The following CD44 variants were observed in gnomAD, a reference collection of about 807,000 sequenced individuals.
The protein encoded by CD44 is CD44 antigen.
CD44 carries 49 observed loss-of-function variants against 88.8 expected under a neutral mutation model. The ratio of observed to expected loss-of-function variants is 0.55; its 90% CI spans 0.44 to 0.70. The LOEUF (loss-of-function observed/expected upper bound fraction) is 0.70. Among genes scored for constraint, CD44 ranks in the 30% least tolerant of loss-of-function variants. The probability of loss-of-function intolerance (pLI) is 0.00; values close to 1 mark genes in which losing one functional copy is unlikely to be tolerated. For missense variants in CD44, 883 were observed against 913.8 expected (o/e 0.97, Z 0.43); for synonymous variants, 325 against 312.3 (o/e 1.04, Z -0.43).
chr11:35,195,393 T>C (rs1168313431), intron 5 of CD44, among the ~76,000 whole-genome samples: 1 of 151,902 alleles, frequency 6.6e-6, no homozygotes, highest in Non-Finnish European at 1.5e-5. Context: ...GGTTGCCATA[T>C]CACAATGTCT....
chr11:35,222,056 G>A (rs2134368703), intron 17 of CD44, among the ~76,000 whole-genome samples: 1 of 152,300 alleles, frequency 6.6e-6, no homozygotes, highest in Admixed American at 6.5e-5. Flanking sequence ...ATGTTTTTTA[G>A]GGTTAAACCT....
intron 1 of CD44, among the ~76,000 whole-genome samples, chr11:35,146,299 G>C (rs1252367874): frequency 6.6e-6 from 1 of 152,182 alleles, no homozygotes; most frequent in African/African-American, 2.4e-5. Context: ...CAAAACTCCG[G>C]GGTTGAGGGA....
chr11:35,216,078 C>T (rs1425411399), intron 15 of CD44, among the ~76,000 whole-genome samples: 1 of 151,404 alleles, frequency 6.6e-6, no homozygotes, highest in Non-Finnish European at 1.5e-5. Flanking sequence ...GTGATGGAGC[C>T]ACCTTTCAAG....
At chr11:35,206,310 T>C in intron 11 of CD44, 67 bp downstream of exon 11, 1 of 1,485,110 alleles carries the variant, frequency 6.7e-7, no homozygotes, top group Non-Finnish European at 9.1e-7. Context: ...CTGACTATTT[T>C]TCTAGAAATA....
At chr11:35,201,412 A>AAT (rs1287447599) in intron 8 of CD44, among the ~76,000 whole-genome samples, 3 of 152,186 alleles carry the variant, frequency 2.0e-5, no homozygotes, top group Non-Finnish European at 4.4e-5. Flanking sequence ...GATAAAAATG[A>AAT]ATATGTTTGA....
At chr11:35,170,358 C>T (rs1364814805) in intron 1 of CD44, among the ~76,000 whole-genome samples, 3 of 152,172 alleles carry the variant, frequency 2.0e-5, no homozygotes, top group Non-Finnish European at 2.9e-5. Flanking sequence ...TCCTTTTTCT[C>T]GCCTTCCTGA....
At chr11:35,189,749 A>G (rs2133884865) in intron 4 of CD44, 86 bp from the exon 5 acceptor site, 1 of 872,876 alleles carries the variant, frequency 1.1e-6, no homozygotes, top group East Asian at 2.6e-5. Context: ...AAAGGAAAAT[A>G]GCTTTGAAGT....
At chr11:35,143,416 T>C (rs1417270926) in intron 1 of CD44, among the ~76,000 whole-genome samples, 1 of 151,330 alleles carries the variant, frequency 6.6e-6, no homozygotes, top group Non-Finnish European at 1.5e-5. Flanking sequence ...TATCTAAGCC[T>C]CCCAACAGCC....
At chr11:35,202,479 CTTCTT>C (rs1452441620) in intron 9 of CD44, among the ~76,000 whole-genome samples, 1 of 152,168 alleles carries the variant, frequency 6.6e-6, no homozygotes, top group Non-Finnish European at 1.5e-5. Flanking sequence ...ATGTGCTTTT[CTTCTT>C]TTATCTATCC....
chr11:35,156,052 C>G (rs1941823128), intron 1 of CD44, among the ~76,000 whole-genome samples: 3 of 152,134 alleles, frequency 2.0e-5, no homozygotes, highest in African/African-American at 7.2e-5. Context: ...AGCTGATGTC[C>G]ATGTCACCAT....
intron 5 of CD44, 30 bp from the exon 6 acceptor site, chr11:35,196,716 C>G: frequency 6.2e-7 from 1 of 1,607,986 alleles, no homozygotes. Context: ...ATTAATCTTT[C>G]AACAATCAAT....
At chr11:35,208,363 T>A (rs946379423) in intron 12 of CD44, among the ~76,000 whole-genome samples, 157 bp downstream of exon 12, 1 of 152,242 alleles carries the variant, frequency 6.6e-6, no homozygotes, top group Non-Finnish European at 1.5e-5. Context: ...GTATTTCTTG[T>A]GGAGGTCTCT....
Position 35,227,307 on chromosome 11 carries a change from C to T in CD44, c.2025-1822C>T, listed in dbSNP as rs1312477368. Among the ~76,000 whole-genome samples the T allele has an allele frequency of 2.0e-5, 3 of 152,132 alleles. No homozygotes were observed. In the East Asian group the frequency reaches 5.8e-4, roughly 29 times the overall value. On this transcript the variant is annotated intron_variant, in intron 17 of 17. Coordinates refer to ENST00000428726, the MANE Select transcript of CD44 (RefSeq NM_000610.4). ...CTCAAGTAATTCTCCCACCTCAGCCCCCAAAGTAACTAAGACTACAGGCAC... is the reference window on the plus strand; with the variant it reads ...CTCAAGTAATTCTCCCACCTCAGCCTCCAAAGTAACTAAGACTACAGGCAC...
intron 5 of CD44, 72 bp downstream of exon 5, chr11:35,190,137 T>C: frequency 7.7e-7 from 1 of 1,293,870 alleles, no homozygotes; most frequent in South Asian, 1.2e-5. Context: ...TCCTGAGCAT[T>C]GCACACTCAC....
Position 35,230,298 on chromosome 11 carries a change from C to T in CD44, c.*965C>T, listed in dbSNP as rs76121131. On this transcript the variant is annotated 3_prime_UTR_variant, in exon 18 of 18. Transcript: ENST00000428726. ...GAGTTGGAAGCTGAGGAGCTTCAGCCTCTTTTATGGTTTAATGGCCACCTG... is the reference window on the plus strand; with the variant it reads ...GAGTTGGAAGCTGAGGAGCTTCAGCTTCTTTTATGGTTTAATGGCCACCTG... 6.6e-6 allele frequency: 1 copy of T among 151,988 alleles called. No individual in the cohort carries two copies. Among genetic ancestry groups the T allele is most frequent in the Non-Finnish European group, 1.5e-5 (1 of 67,972 alleles). The allele number at this position is 151,988 out of a possible 1,614,324, so 9.4% of individuals were successfully genotyped here.
intron 1 of CD44, among the ~76,000 whole-genome samples, chr11:35,165,384 C>T (rs944126904): frequency 6.6e-6 from 1 of 152,182 alleles, no homozygotes; most frequent in Non-Finnish European, 1.5e-5. Context: ...CTCCGTAAGA[C>T]TTTGAGTCTG....
rs144329567 is a variant in CD44, at chr11:35,219,364, C to T, written c.1922C>T (p.Pro641Leu). Residue 641 changes from proline to leucine, a missense_variant, in exon 16 of 18, where the codon CCT becomes CTT. Physicochemically the swap from Pro to Leu is moderately conservative, Grantham distance 98 (BLOSUM62 -3). Coordinates refer to ENST00000428726, the MANE Select transcript of CD44 (RefSeq NM_000610.4). ...GGTGGAGCAAACACAACCTCTGGTCCTATAAGGACACCCCAAATTCCAGGT... is the reference window on the plus strand; with the variant it reads ...GGTGGAGCAAACACAACCTCTGGTCTTATAAGGACACCCCAAATTCCAGGT... Reference protein sequence around the residue: ...QEGGANTTSGPIRTPQIPEWL... With the variant: ...QEGGANTTSGLIRTPQIPEWL... The T allele has an allele frequency of 6.8e-6, 11 of 1,613,656 alleles. No individual in the cohort carries two copies. The highest frequency in any genetic ancestry group is 9.3e-6 in the Non-Finnish European group (11 of 1,179,728).
chr11:35,148,376 G>A (rs748698589), intron 1 of CD44, among the ~76,000 whole-genome samples: 4 of 152,240 alleles, frequency 2.6e-5, no homozygotes, highest in Non-Finnish European at 4.4e-5. Flanking sequence ...GCCTGCAAGA[G>A]GGGGAGGGGA....
In CD44 at chr11:35,180,829, G is replaced by A. The variant is rs191753922; in HGVS notation, c.367+422G>A. Among the ~76,000 whole-genome samples, 6 of 152,280 alleles carry A rather than the reference G, an allele frequency of 3.9e-5. No homozygotes were observed. In the South Asian group the frequency reaches 6.2e-4, roughly 16 times the overall value. On this transcript the variant is annotated intron_variant, in intron 3 of 17. Coordinates refer to ENST00000428726, the MANE Select transcript of CD44 (RefSeq NM_000610.4). ...CTGGACCACACAAGGCCTGTGAGCC[G>A]CAGGTTGGACAAGCTTGCCCTATAT... is the stretch of plus-strand genomic sequence containing the variant.
Sources: allele counts gnomAD v4.1 joint callset (sites outside exome capture counted in the v4.1 genomes callset), GRCh38; gene constraint gnomAD v4.1.1; transcripts MANE v1.5; gene names NCBI Gene and HGNC (gene_info 2026-07-23, HGNC 2026-07-21).